Variants in SLC38A2 observed in about 807,000 individuals in gnomAD.
The protein encoded by SLC38A2 is sodium-coupled neutral amino acid symporter 2.
In SLC38A2, 11 loss-of-function variants were observed where a neutral mutation model predicts 61.5. That is an observed-to-expected ratio of 0.18 (90% confidence interval 0.11 to 0.30). The LOEUF is 0.30. Ranked by LOEUF, SLC38A2 falls within the 10% of genes least tolerant of loss-of-function variation. The pLI is 1.00. For synonymous variants in SLC38A2, 217 were observed against 212.5 expected, an observed-to-expected ratio of 1.02 and a Z score of -0.18; for missense variants, 522 against 600.4, an observed-to-expected ratio of 0.87 and a Z score of 1.36.
chr12:46,369,872 G>A (rs1356770796), intron 4 of SLC38A2, among the ~76,000 whole-genome samples: 3 of 152,160 alleles, frequency 2.0e-5, no homozygotes, highest in African/African-American at 4.8e-5. Flanking sequence ...CAACTGTGGG[G>A]GGAACCATTT....
rs115850295 is a variant in SLC38A2 at position 46,363,331 on chromosome 12, A to G, written c.1055-186T>C. 5.1e-3 allele frequency among the ~76,000 whole-genome samples: 777 copies of G among 152,228 alleles called. 4 individuals carry two copies. The highest frequency in any genetic ancestry group is 0.018 in the African/African-American group (729 of 41,558). On this transcript the variant is annotated intron_variant, in intron 12 of 15. Transcript: ENST00000256689. The stretch of plus-strand genomic sequence containing the variant: ...AGTAACATTGAAGGAAAATTTTTCT[A>G]AATACCACAGAGATTTAGCCACATG...
Position 46,362,373 on chromosome 12 carries a change from C to T in SLC38A2, c.1333G>A (p.Ala445Thr). 6.2e-7 allele frequency: 1 copy of T among 1,610,288 alleles called. No individual in the cohort carries two copies. Among genetic ancestry groups the T allele is most frequent in the Non-Finnish European group, 8.5e-7 (1 of 1,178,458 alleles). The change falls in exon 15 of 16, where the codon GCA (alanine) becomes ACA (threonine). Residue 445 changes from alanine (A) to threonine (T), a missense_variant. Physicochemically the swap from Ala to Thr is moderately conservative, Grantham distance 58. Around this residue, in one of 3 missense-constraint regions of SLC38A2, gnomAD observed 309 missense variants for 343.9 expected, o/e 0.90. Transcript: ENST00000256689. Reference sequence around the variant, plus strand: ...AGAATAAAAATCAACATAGAAGCTGCAGATGCACCTGTAAAACAACATTTA... The same window carrying T: ...AGAATAAAAATCAACATAGAAGCTGTAGATGCACCTGTAAAACAACATTTA... ...RDIFGFIGASAASMLIFILPS... is the reference protein window; with the variant it reads ...RDIFGFIGASTASMLIFILPS...
intron 15 of SLC38A2, 64 bp from the exon 16 acceptor site, chr12:46,361,273 T>A (rs1048475405): frequency 2.2e-6 from 3 of 1,334,832 alleles, no homozygotes; most frequent in Non-Finnish European, 3.2e-6. Context: ...ACATTTCTTC[T>A]ATTTTTTGAA....
chr12:46,367,617 G>A (rs1434399634), intron 4 of SLC38A2, among the ~76,000 whole-genome samples: 1 of 152,172 alleles, frequency 6.6e-6, no homozygotes, highest in African/African-American at 2.4e-5. Flanking sequence ...TGAGACACTG[G>A]AAAGCTCAAC....
chr12:46,372,415 G>T, intron 1 of SLC38A2, 94 bp downstream of exon 1: 2 of 339,050 alleles, frequency 5.9e-6, no homozygotes, highest in Non-Finnish European at 5.3e-6. Context: ...CGGACCCCGC[G>T]GCCGCCTTCC....
rs184132336 is a variant in SLC38A2 at position 46,361,231 on chromosome 12, T to C, written c.1423-22A>G. The C allele has an allele frequency of 1.3e-4, 211 of 1,591,486 alleles. 4 individuals carry two copies. The East Asian group carries it at 4.3e-3, about 33-fold the overall frequency. On this transcript the variant is annotated intron_variant, in intron 15 of 15. Transcript: ENST00000256689. Reference sequence around the variant, plus strand: ...AAGCCTGCAAAGAGCATAGAGAAAATTGATCAGCAAGTAATAAAACATATA... The same window carrying C: ...AAGCCTGCAAAGAGCATAGAGAAAACTGATCAGCAAGTAATAAAACATATA...
chr12:46,371,499 C>G (rs1337905214), intron 1 of SLC38A2, 120 bp from the exon 2 acceptor site: 2 of 535,026 alleles, frequency 3.7e-6, no homozygotes, highest in Admixed American at 3.7e-5. Flanking sequence ...AAAGTACCAG[C>G]CGCGCGCGAG....
In SLC38A2 at chr12:46,371,192, T is replaced by C; in HGVS notation, c.102A>G (p.Gln34=). 1 of 1,614,214 alleles carries C rather than the reference T, an allele frequency of 6.2e-7. No individual in the cohort carries two copies. The highest frequency in any genetic ancestry group is 8.5e-7 in the Non-Finnish European group (1 of 1,180,018). The change falls in exon 2 of 16, where the codon CAA becomes CAG. Residue 34 remains glutamine, a synonymous_variant. Transcript: ENST00000256689. ...SDFNYSYPTK[Q]AALKSHYADV... ...ACTTCTCCCACCTTTTCAGAGCAGC[T>C]TGCTTGGTGGGGTAGGAGTAGTTGA...
chr12:46,370,857 G>T lies in SLC38A2; in HGVS notation c.117C>A (p.Ser39Arg). Residue 39 changes from serine to arginine, a missense_variant and splice_region_variant, in exon 3 of 16, where the codon AGC (serine) becomes AGA (arginine). Ser to Arg is a moderately radical substitution (Grantham distance 110). Coordinates refer to ENST00000256689, the MANE Select transcript of SLC38A2 (RefSeq NM_018976.5). ...TTTCAGGATCTACATCTGCATAATG[G>T]CTGCAAAAAATATAGACATATATAA... ...SYPTKQAALK[S>R]HYADVDPENQ... 1 of 1,602,676 alleles carries T rather than the reference G, an allele frequency of 6.2e-7. No homozygotes were observed. The highest frequency in any genetic ancestry group is 8.5e-7 in the Non-Finnish European group (1 of 1,175,218).
intron 7 of SLC38A2, among the ~76,000 whole-genome samples, chr12:46,366,275 C>T (rs186639524): frequency 6.9e-4 from 105 of 152,256 alleles, no homozygotes; most frequent in Non-Finnish European, 8.8e-5. Context: ...TTGGAGATGG[C>T]ACTGAAGTCT....
Position 46,365,179 on chromosome 12 carries a change from G to A in SLC38A2, c.574C>T (p.Leu192=). 2 of 1,613,122 alleles carry A rather than the reference G, an allele frequency of 1.2e-6. No homozygotes were observed. The highest frequency in any genetic ancestry group is 1.7e-6 in the Non-Finnish European group (2 of 1,179,390). Residue 192 remains leucine, a synonymous_variant, in exon 8 of 16, where the codon CTG becomes TTG. Coordinates refer to ENST00000256689, the MANE Select transcript of SLC38A2 (RefSeq NM_018976.5). ...AACAGAACCAAATAGTTCCCGTTCA[G>A]ATACCACAATCTAAAGAAAACAGAA... The part of the protein sequence containing the change: ...NIEDKTGLWY[L]NGNYLVLLVS...
rs996676151 is a variant in SLC38A2, at chr12:46,364,544, T to C, written c.718A>G (p.Lys240Glu). The C allele has an allele frequency of 6.2e-7, 1 of 1,603,422 alleles. No individual in the cohort carries two copies. The highest frequency in any genetic ancestry group is 8.5e-7 in the Non-Finnish European group (1 of 1,176,872). The stretch of plus-strand genomic sequence containing the variant: ...TCCACAGGACACGGAACCTGAAATT[T>C]CTTGCAAATGACCTAAAAATATATT... ...VFFLIVVICK[K>E]FQVPCPVEAA... Residue 240 changes from lysine (K) to glutamate (E), a missense_variant, in exon 10 of 16, where the codon AAA becomes GAA. By Grantham distance (56) the Lys-to-Glu change is moderately conservative. Coordinates refer to ENST00000256689, the MANE Select transcript of SLC38A2 (RefSeq NM_018976.5).
At position 46,358,456 on chromosome 12, in the gene SLC38A2, AGAG is replaced by A. The variant is rs1943045227; in HGVS notation, c.*2652_*2654del. On this transcript the variant is annotated 3_prime_UTR_variant, in exon 16 of 16. Coordinates refer to ENST00000256689, the MANE Select transcript of SLC38A2 (RefSeq NM_018976.5). ...GTATTCCTTATTTAAATTTTAAATA[AGAG>A]ATCTGAATTTGTACCAAGATTTCAT... The A allele has an allele frequency of 6.6e-6, 1 of 152,650 alleles. No homozygotes were observed. The allele number at this position is 152,650 out of a possible 1,614,324, so 9.5% of individuals were successfully genotyped here.
In SLC38A2 at chr12:46,367,168, C is replaced by G. The variant is rs1422995844; in HGVS notation, c.389G>C (p.Gly130Ala). The change falls in exon 6 of 16, where the codon GGG (glycine) becomes GCG (alanine). Residue 130 changes from glycine (G) to alanine (A), a missense_variant and splice_region_variant. Transcript: ENST00000256689. Reference sequence around the variant, plus strand: ...TCCCAATTGTTCATATAATAAAGACCCTACAATTTGAAGACAGAAGCATGA... The same window carrying G: ...TCCCAATTGTTCATATAATAAAGACGCTACAATTTGAAGACAGAAGCATGA... ...HLLLKTANEG[G>A]SLLYEQLGYK... The G allele has an allele frequency of 1.9e-6, 3 of 1,611,448 alleles. No homozygotes were observed. Among genetic ancestry groups the G allele is most frequent in the South Asian group, 1.1e-5 (1 of 90,854 alleles).
At chr12:46,367,699 T>C (rs1362273576) in intron 4 of SLC38A2, among the ~76,000 whole-genome samples, 1 of 152,226 alleles carries the variant, frequency 6.6e-6, no homozygotes, top group Non-Finnish European at 1.5e-5. Flanking sequence ...GCTTGCCACC[T>C]TTCTGCATTT....
At chr12:46,371,516 G>A (rs531436143) in intron 1 of SLC38A2, 137 bp from the exon 2 acceptor site, 4 of 515,266 alleles carry the variant, frequency 7.8e-6, no homozygotes, top group Middle Eastern at 5.2e-4. Flanking sequence ...CGAGGGGCGG[G>A]GGCGCGCCGA....
chr12:46,366,069 G>A (rs1592204985), intron 7 of SLC38A2, among the ~76,000 whole-genome samples: 1 of 152,170 alleles, frequency 6.6e-6, no homozygotes, highest in African/African-American at 2.4e-5. Flanking sequence ...AGGGTGGGAA[G>A]TAAATTATCC....
intron 6 of SLC38A2, 56 bp from the exon 7 acceptor site, chr12:46,367,001 A>T (rs1158087886): frequency 3.1e-6 from 5 of 1,600,092 alleles, no homozygotes; most frequent in Non-Finnish European, 4.3e-6. Flanking sequence ...CGTGACACTA[A>T]AACGCATGTG....
rs753684784 is a variant in SLC38A2 at position 46,367,354 on chromosome 12, G to A, written c.315-14C>T. The A allele has an allele frequency of 4.3e-6, 6 of 1,384,984 alleles. No homozygotes were observed. The highest frequency in any genetic ancestry group is 6.2e-6 in the Non-Finnish European group (6 of 975,358). 85.8% of individuals were successfully genotyped at this position (1,384,984 alleles called of 1,614,324 possible). A position where few individuals can be genotyped will look rare whatever the true frequency, so the allele number is the denominator to read the frequency against. ...GTCAAGAGAATTCTGGTGAGAGAAG[G>A]AAAAGGCATAGGGTTATAAATAAGC... On this transcript the variant is annotated splice_polypyrimidine_tract_variant and intron_variant, in intron 4 of 15. Coordinates refer to ENST00000256689, the MANE Select transcript of SLC38A2 (RefSeq NM_018976.5).
Sources: allele counts gnomAD v4.1 joint callset (sites outside exome capture counted in the v4.1 genomes callset), GRCh38; gene constraint gnomAD v4.1.1; regional missense constraint gnomAD v4.1.1; transcripts MANE v1.5; gene names NCBI Gene and HGNC (gene_info 2026-07-23, HGNC 2026-07-21).